Variants in UCHL3 observed in about 807,000 individuals in gnomAD.
UCHL3 encodes the protein ubiquitin C-terminal hydrolase L3.
UCHL3 carries 22 observed loss-of-function variants against 35.8 expected under a neutral mutation model. The ratio of observed to expected loss-of-function variants is 0.61; its 90% CI spans 0.44 to 0.88. The LOEUF (loss-of-function observed/expected upper bound fraction) is 0.88. Among genes scored for constraint, UCHL3 ranks in the 40% least tolerant of loss-of-function variants. The pLI is 0.00. For missense variants in UCHL3, 229 were observed against 276.9 expected (o/e 0.83, Z 1.23); for synonymous variants, 90 against 92.8 (o/e 0.97, Z 0.17).
intron 2 of UCHL3, 22 bp from the exon 3 acceptor site, chr13:75,560,731 T>A: frequency 1.3e-6 from 2 of 1,581,798 alleles, no homozygotes. Flanking sequence ...ATTGTTTTTT[T>A]TTTCTTTCTT....
chr13:75,554,521 C>T (rs1717373957), intron 2 of UCHL3, among the ~76,000 whole-genome samples: 1 of 152,128 alleles, frequency 6.6e-6, no homozygotes, highest in South Asian at 2.1e-4. Context: ...ACGGCTATTC[C>T]AAATATGGCT....
At chr13:75,596,046 T>C (rs940750900) in intron 7 of UCHL3, among the ~76,000 whole-genome samples, 7 of 152,196 alleles carry the variant, frequency 4.6e-5, no homozygotes, top group Admixed American at 3.9e-4. Context: ...ATTTGCTGTC[T>C]ATATATTACC....
chr13:75,575,520 G>A (rs935136734), intron 6 of UCHL3, among the ~76,000 whole-genome samples: 13 of 152,138 alleles, frequency 8.5e-5, no homozygotes, highest in African/African-American at 2.4e-4. Flanking sequence ...TGCTACAGAA[G>A]TTTGATATGT....
chr13:75,600,179 G>C (rs753793107), intron 7 of UCHL3, among the ~76,000 whole-genome samples: 4 of 152,224 alleles, frequency 2.6e-5, no homozygotes, highest in Non-Finnish European at 5.9e-5. Context: ...GTTGGTTCAT[G>C]AGGTTTAAGG....
intron 2 of UCHL3, among the ~76,000 whole-genome samples, chr13:75,557,317 T>G (rs539862246): frequency 6.6e-6 from 1 of 152,168 alleles, no homozygotes; most frequent in Non-Finnish European, 1.5e-5. Context: ...TCAAAACATA[T>G]TTACAAATAA....
chr13:75,588,028 T>A (rs1053279144), intron 6 of UCHL3, among the ~76,000 whole-genome samples: 1 of 152,114 alleles, frequency 6.6e-6, no homozygotes, highest in South Asian at 2.1e-4. Context: ...AGTAATAATT[T>A]TTTTTTTTCT....
chr13:75,576,583 T>G (rs1288318904), intron 6 of UCHL3, among the ~76,000 whole-genome samples: 1 of 152,110 alleles, frequency 6.6e-6, no homozygotes, highest in African/African-American at 2.4e-5. Context: ...CTCGATCTCC[T>G]GACCTCGTGA....
chr13:75,571,877 G>T (rs987237166), intron 6 of UCHL3, among the ~76,000 whole-genome samples: 1 of 151,874 alleles, frequency 6.6e-6, no homozygotes, highest in African/African-American at 2.4e-5. Flanking sequence ...ACCCTAAAAT[G>T]TGTTGGAGTG....
At chr13:75,604,350 A>G (rs1285250799) in intron 7 of UCHL3, among the ~76,000 whole-genome samples, 1 of 152,194 alleles carries the variant, frequency 6.6e-6, no homozygotes, top group Non-Finnish European at 1.5e-5. Context: ...GTAGTATTGT[A>G]TAAGCCATGA....
At chr13:75,563,269 A>G (rs2031576808) in intron 3 of UCHL3, among the ~76,000 whole-genome samples, 1 of 152,170 alleles carries the variant, frequency 6.6e-6, no homozygotes, top group Non-Finnish European at 1.5e-5. Flanking sequence ...CATGCCTCCC[A>G]GGTACAAGTG....
intron 6 of UCHL3, among the ~76,000 whole-genome samples, chr13:75,594,323 G>A (rs763844137): frequency 2.6e-5 from 4 of 151,884 alleles, no homozygotes; most frequent in African/African-American, 4.8e-5. Flanking sequence ...CCTTTTAATC[G>A]CCTAGGCTAT....
chr13:75,572,914 C>A (rs2031906536), intron 6 of UCHL3, among the ~76,000 whole-genome samples: 1 of 152,170 alleles, frequency 6.6e-6, no homozygotes, highest in African/African-American at 2.4e-5. Flanking sequence ...CAGTTGCCAT[C>A]TGGCTTTAAA....
intron 2 of UCHL3, among the ~76,000 whole-genome samples, chr13:75,556,889 C>A (rs1162402249): frequency 3.3e-5 from 5 of 152,176 alleles, no homozygotes; most frequent in African/African-American, 1.2e-4. Context: ...CGAAAAAGCA[C>A]TTAACCTCCC....
intron 2 of UCHL3, among the ~76,000 whole-genome samples, chr13:75,560,544 T>TAA (rs1242866308): frequency 5.3e-5 from 8 of 152,178 alleles, no homozygotes; most frequent in African/African-American, 9.7e-5. Context: ...TTGAACATAT[T>TAA]TAGAGTGTGC....
chr13:75,604,936 C>A, intron 8 of UCHL3, 109 bp downstream of exon 8: 1 of 879,224 alleles, frequency 1.1e-6, no homozygotes, highest in Non-Finnish European at 1.6e-6. Flanking sequence ...CTTCTTTATC[C>A]TTGTTCTCTC....
chr13:75,566,507 C>T (rs1369484433), intron 3 of UCHL3, among the ~76,000 whole-genome samples, 188 bp from the exon 4 acceptor site: 1 of 152,196 alleles, frequency 6.6e-6, no homozygotes, highest in Non-Finnish European at 1.5e-5. Flanking sequence ...CATACCTTCA[C>T]CTTCACTGGC....
At chr13:75,587,271 TA>T (rs1260953925) in intron 6 of UCHL3, among the ~76,000 whole-genome samples, 4 of 151,992 alleles carry the variant, frequency 2.6e-5, no homozygotes, top group African/African-American at 9.7e-5. Flanking sequence ...GTTTAAAATA[TA>T]AAAGATAAAG....
intron 7 of UCHL3, among the ~76,000 whole-genome samples, chr13:75,602,733 C>T (rs2032809562): frequency 6.6e-6 from 1 of 152,024 alleles, no homozygotes; most frequent in South Asian, 2.1e-4. Context: ...ACATAAAAAC[C>T]AGTCTTAGCT....
intron 6 of UCHL3, among the ~76,000 whole-genome samples, chr13:75,576,310 AC>A (rs1349870174): frequency 1.3e-5 from 2 of 152,100 alleles, no homozygotes; most frequent in African/African-American, 4.8e-5. Flanking sequence ...GCTCACTGCA[AC>A]GTCTGCCTCC....
Sources: gnomAD v4.1 joint callset for allele counts (sites outside exome capture counted in the v4.1 genomes callset) on GRCh38, gnomAD v4.1.1 for gene constraint, MANE v1.5 for transcripts, NCBI Gene and HGNC (gene_info 2026-07-23, HGNC 2026-07-21) for gene names.